GRHL2: variants seen among roughly 807,000 people sequenced by gnomAD.
GRHL2 encodes grainyhead like transcription factor 2.
In GRHL2, 21 loss-of-function variants were observed where a neutral mutation model predicts 83.8. The ratio of observed to expected loss-of-function variants is 0.25; its 90% CI spans 0.18 to 0.36. The LOEUF (loss-of-function observed/expected upper bound fraction) is 0.36, where lower values mean the gene tolerates loss of function less well. Ranked by LOEUF, GRHL2 falls within the 10% of genes least tolerant of loss-of-function variation. The probability of loss-of-function intolerance (pLI) is 1.00; values close to 1 mark genes in which losing one functional copy is unlikely to be tolerated. For synonymous variants in GRHL2, 280 were observed against 278.9 expected, an observed-to-expected ratio of 1.00 and a Z score of -0.04; for missense variants, 623 against 781.8, an observed-to-expected ratio of 0.80 and a Z score of 2.42.
At chr8:101,651,123 G>A (rs966404014) in intron 14 of GRHL2, among the ~76,000 whole-genome samples, 1 of 152,190 alleles carries the variant, frequency 6.6e-6, no homozygotes, top group Non-Finnish European at 1.5e-5. Flanking sequence ...TTCAAAATGA[G>A]TCTAAGATTG....
downstream of GRHL2, among the ~76,000 whole-genome samples, chr8:101,670,906 C>T (rs1399117584): frequency 1.3e-5 from 2 of 152,134 alleles, no homozygotes; most frequent in Non-Finnish European, 2.9e-5. Context: ...CACAGTCTGC[C>T]CTCATAGGAG....
downstream of GRHL2, among the ~76,000 whole-genome samples, chr8:101,674,643 G>C (rs1297921061): frequency 1.3e-5 from 2 of 152,134 alleles, no homozygotes; most frequent in African/African-American, 2.4e-5. Flanking sequence ...GGAGGAGCTG[G>C]TACCATTTCT....
rs187123333 is a variant in GRHL2 at position 101,579,205 on chromosome 8, C to T, written c.1003+1686C>T. ...ATTTTATTTTATTTGAAAAGTTAGC[C>T]TTATAATTATTACCCAAGAAAATGA... On this transcript the variant is annotated intron_variant, in intron 7 of 15. Coordinates refer to ENST00000646743, the MANE Select transcript of GRHL2 (RefSeq NM_024915.4). Among the ~76,000 whole-genome samples the T allele has an allele frequency of 8.6e-4, 131 of 152,250 alleles. No individual in the cohort carries two copies. The East Asian group carries it at 0.018, about 21-fold the overall frequency.
At chr8:101,602,631 G>A (rs932716904) in intron 8 of GRHL2, among the ~76,000 whole-genome samples, 1 of 152,134 alleles carries the variant, frequency 6.6e-6, no homozygotes, top group South Asian at 2.1e-4. Flanking sequence ...TAAGTCTCTT[G>A]GATAATTAAA....
intron 1 of GRHL2, among the ~76,000 whole-genome samples, chr8:101,493,493 C>CGG (rs35836856): frequency 6.6e-6 from 1 of 151,662 alleles, no homozygotes; most frequent in African/African-American, 2.4e-5. Context: ...CTCAGGTGCC[C>CGG]GGGGGGAAAG....
chr8:101,571,608 G>T (rs780143335), intron 5 of GRHL2, among the ~76,000 whole-genome samples: 2 of 151,946 alleles, frequency 1.3e-5, no homozygotes, highest in Admixed American at 1.3e-4. Context: ...CCTTATGAAG[G>T]TCATCAGGGC....
chr8:101,517,056 A>G (rs1423750097), intron 1 of GRHL2, among the ~76,000 whole-genome samples: 1 of 152,060 alleles, frequency 6.6e-6, no homozygotes, highest in Non-Finnish European at 1.5e-5. Context: ...CCTCTGCTTG[A>G]TCATGGAGTC....
intron 1 of GRHL2, among the ~76,000 whole-genome samples, chr8:101,503,431 T>C (rs1286322322): frequency 6.6e-6 from 1 of 152,236 alleles, no homozygotes; most frequent in Non-Finnish European, 1.5e-5. Context: ...ACAGATGATA[T>C]AACAGAGATA....
At chr8:101,612,437 G>A (rs1812768250) in intron 8 of GRHL2, among the ~76,000 whole-genome samples, 1 of 150,394 alleles carries the variant, frequency 6.6e-6, no homozygotes, top group Non-Finnish European at 1.5e-5. Context: ...TATTTCCCAT[G>A]GCCTCTATAT....
At chr8:101,541,257 A>G (rs1811149605) in intron 1 of GRHL2, among the ~76,000 whole-genome samples, 1 of 150,368 alleles carries the variant, frequency 6.7e-6, no homozygotes, top group African/African-American at 2.5e-5. Context: ...TATCTTTGCC[A>G]TTGTGAATTG....
chr8:101,497,123 T>C (rs1413594783), intron 1 of GRHL2, among the ~76,000 whole-genome samples: 1 of 152,212 alleles, frequency 6.6e-6, no homozygotes, highest in Non-Finnish European at 1.5e-5. Flanking sequence ...TTCTGTTCCC[T>C]ACAATGGATT....
chr8:101,564,812 C>CAAA (rs3035637), intron 4 of GRHL2, among the ~76,000 whole-genome samples: 3,965 of 109,220 alleles, frequency 0.036, 193 homozygotes, highest in African/African-American at 0.048. Flanking sequence ...GCCCTGTCTC[C>CAAA]AAAAAAAAAA....
In GRHL2 at chr8:101,644,159, C is replaced by T. The variant is rs780540983; in HGVS notation, c.1546C>T (p.Arg516Trp). Reference sequence around the variant, plus strand: ...CAGTGTCCTTGTTAAACGGATGTTCCGGCCCATGGAAGAGGAGTTTGGTCC... The same window carrying T: ...CAGTGTCCTTGTTAAACGGATGTTCTGGCCCATGGAAGAGGAGTTTGGTCC... ...GGSVLVKRMFRPMEEEFGPVP... is the reference protein window; with the variant it reads ...GGSVLVKRMFWPMEEEFGPVP... Residue 516 changes from arginine to tryptophan, a missense_variant, in exon 13 of 16, where the codon CGG becomes TGG. Coordinates refer to ENST00000646743, the MANE Select transcript of GRHL2 (RefSeq NM_024915.4). 48 of 1,613,976 alleles carry T rather than the reference C, an allele frequency of 3.0e-5. No homozygotes were observed. The highest frequency in any genetic ancestry group is 1.6e-4 in the Middle Eastern group (1 of 6,084).
intron 1 of GRHL2, among the ~76,000 whole-genome samples, chr8:101,510,763 C>T (rs1434866775): frequency 6.6e-6 from 1 of 152,114 alleles, no homozygotes; most frequent in Non-Finnish European, 1.5e-5. Context: ...AGGCATTGTA[C>T]CACATATAAG....
intron 9 of GRHL2, among the ~76,000 whole-genome samples, chr8:101,627,699 C>T (rs72674257): frequency 0.03 from 4,610 of 152,190 alleles, 82 homozygotes; most frequent in Middle Eastern, 0.078. Context: ...CCTCTTTTAT[C>T]GGTTAGCCAA....
chr8:101,558,298 C>G, intron 3 of GRHL2, 121 bp from the exon 4 acceptor site: 1 of 1,185,300 alleles, frequency 8.4e-7, no homozygotes, highest in Non-Finnish European at 1.2e-6. Flanking sequence ...AGTTTGCCAG[C>G]CCCCTGTCCC....
chr8:101,504,372 A>G (rs932747604), intron 1 of GRHL2, among the ~76,000 whole-genome samples: 2 of 152,240 alleles, frequency 1.3e-5, no homozygotes, highest in African/African-American at 4.8e-5. Flanking sequence ...ATAAGTTTCC[A>G]ACATGTGTAT....
intron 4 of GRHL2, among the ~76,000 whole-genome samples, chr8:101,563,219 A>C (rs533404774): frequency 3.3e-5 from 5 of 152,320 alleles, no homozygotes; most frequent in African/African-American, 1.2e-4. Flanking sequence ...GTCTGGCTTC[A>C]GGACCTAAAT....
rs189881492 is a variant in GRHL2 at position 101,519,953 on chromosome 8, G to A, written c.21-23288G>A. Among the ~76,000 whole-genome samples, 445 of 152,190 alleles carry A rather than the reference G, an allele frequency of 2.9e-3. 3 individuals carry two copies. The highest frequency in any genetic ancestry group is 0.014 in the Middle Eastern group (4 of 294). On this transcript the variant is annotated intron_variant, in intron 1 of 15. Transcript: ENST00000646743. ...ATAATTAGTTCTTATTTTCCTAATA[G>A]TTCCATTAGAAGCCCATCTAAATTT...
Sources: allele counts gnomAD v4.1 joint callset (sites outside exome capture counted in the v4.1 genomes callset), GRCh38; gene constraint gnomAD v4.1.1; transcripts MANE v1.5; gene names NCBI Gene and HGNC (gene_info 2026-07-23, HGNC 2026-07-21).